Variants in UBE2E3 observed in about 807,000 individuals in gnomAD.
UBE2E3 encodes the protein ubiquitin conjugating enzyme E2 E3.
UBE2E3 carries 5 observed loss-of-function variants against 23.6 expected under a neutral mutation model. The observed-to-expected ratio is 0.21, with a 90% confidence interval of 0.11 to 0.44. UBE2E3 has a LOEUF of 0.44. Among genes scored for constraint, UBE2E3 ranks in the 20% least tolerant of loss-of-function variants. UBE2E3 has a pLI of 0.99. For missense variants in UBE2E3, 81 were observed against 249.8 expected (o/e 0.32, Z 4.55); for synonymous variants, 78 against 87.5 (o/e 0.89, Z 0.60).
chr2:181,003,828 G>A (rs1203863143), intron 3 of UBE2E3, among the ~76,000 whole-genome samples: 1 of 152,146 alleles, frequency 6.6e-6, no homozygotes, highest in East Asian at 1.9e-4. Flanking sequence ...TACTTGTTCA[G>A]TGTGGTAGGT....
chr2:181,051,868 T>C (rs1686852964), intron 3 of UBE2E3, among the ~76,000 whole-genome samples: 1 of 151,924 alleles, frequency 6.6e-6, no homozygotes, highest in Non-Finnish European at 1.5e-5. Context: ...CTCTGTGTTT[T>C]CTAGACTGCT....
chr2:181,008,352 G>A (rs938207605), intron 3 of UBE2E3, among the ~76,000 whole-genome samples: 24 of 152,218 alleles, frequency 1.6e-4, no homozygotes, highest in African/African-American at 5.3e-4. Context: ...CTGAGGTACA[G>A]AGAGAAGTTC....
chr2:181,058,675 T>C (rs1384668507), intron 4 of UBE2E3, among the ~76,000 whole-genome samples: 2 of 151,806 alleles, frequency 1.3e-5, no homozygotes, highest in Non-Finnish European at 2.9e-5. Context: ...CTCTGTACTT[T>C]TAAAAATTTA....
intron 3 of UBE2E3, among the ~76,000 whole-genome samples, chr2:181,049,789 G>A (rs1230001372): frequency 6.6e-6 from 1 of 151,892 alleles, no homozygotes; most frequent in Admixed American, 6.6e-5. Context: ...CAATGAAGAT[G>A]GTTTTGCAGA....
intron 3 of UBE2E3, among the ~76,000 whole-genome samples, chr2:181,015,345 T>C (rs749987650): frequency 3.3e-5 from 5 of 152,198 alleles, no homozygotes; most frequent in Non-Finnish European, 5.9e-5. Context: ...TGAACTAAAT[T>C]GGTGACTTGC....
chr2:181,010,807 TC>T (rs1559120317), intron 3 of UBE2E3, among the ~76,000 whole-genome samples: 57 of 151,410 alleles, frequency 3.8e-4, no homozygotes, highest in African/African-American at 1.2e-3. Context: ...TGTCATATCC[TC>T]CTCTTTTTTT....
intron 2 of UBE2E3, among the ~76,000 whole-genome samples, chr2:180,982,557 G>A (rs1449205419): frequency 3.9e-5 from 6 of 152,030 alleles, no homozygotes; most frequent in African/African-American, 1.5e-4. Flanking sequence ...GGTACTTTGG[G>A]GATGTTCCTT....
intron 3 of UBE2E3, among the ~76,000 whole-genome samples, chr2:181,005,302 G>A (rs1685117083): frequency 6.6e-6 from 1 of 152,202 alleles, no homozygotes; most frequent in Non-Finnish European, 1.5e-5. Context: ...GATGCAGTGT[G>A]AAATAGCGTG....
chr2:180,989,513 T>A (rs1053927478), intron 3 of UBE2E3, among the ~76,000 whole-genome samples: 1 of 152,190 alleles, frequency 6.6e-6, no homozygotes, highest in Non-Finnish European at 1.5e-5. Flanking sequence ...AAAGTTTACC[T>A]AGCTACTGTT....
intron 3 of UBE2E3, among the ~76,000 whole-genome samples, chr2:180,985,986 A>G (rs1036075079): frequency 2.0e-5 from 3 of 152,134 alleles, no homozygotes; most frequent in Non-Finnish European, 4.4e-5. Flanking sequence ...TAGAGGGAGT[A>G]GAATCTTTCA....
In UBE2E3 at chr2:181,011,373, A is replaced by G. The variant is rs1218074033; in HGVS notation, c.245+27280A>G. Among the ~76,000 whole-genome samples, 4 of 151,988 alleles carry G rather than the reference A, an allele frequency of 2.6e-5. No individual in the cohort carries two copies. The East Asian group carries it at 7.7e-4, about 29-fold the overall frequency. ...GGAGAGATAACTGCACACAAGGGCAAAAGGGGGCCAAACTCAGTCTTTTAT... is the reference window on the plus strand; with the variant it reads ...GGAGAGATAACTGCACACAAGGGCAGAAGGGGGCCAAACTCAGTCTTTTAT... On this transcript the variant is annotated intron_variant, in intron 3 of 5. Transcript: ENST00000410062.
chr2:181,039,726 G>A (rs528564073), intron 3 of UBE2E3, among the ~76,000 whole-genome samples: 2 of 152,272 alleles, frequency 1.3e-5, no homozygotes, highest in East Asian at 3.9e-4. Flanking sequence ...TGATGTCTAG[G>A]AGTTAAATAA....
At chr2:180,997,080 G>T (rs367713784) in intron 3 of UBE2E3, among the ~76,000 whole-genome samples, 1 of 150,268 alleles carries the variant, frequency 6.7e-6, no homozygotes. Context: ...TTCTTAAAAG[G>T]ATTTCTGTTA....
intron 1 of UBE2E3, chr2:180,981,512 T>C (rs1684293840): frequency 6.6e-6 from 1 of 152,454 alleles, no homozygotes; most frequent in South Asian, 2.1e-4. Context: ...GTGTTGTGTT[T>C]AAAGGCTTTA....
At chr2:181,000,789 T>C (rs4667007) in intron 3 of UBE2E3, among the ~76,000 whole-genome samples, 35,320 of 152,082 alleles carry the variant, frequency 0.23, 4,471 homozygotes, top group Non-Finnish European at 0.28. Context: ...CTCCTGATCG[T>C]GTGATCCGAC....
chr2:181,040,527 A>G (rs1686455361), intron 3 of UBE2E3, among the ~76,000 whole-genome samples: 1 of 152,216 alleles, frequency 6.6e-6, no homozygotes, highest in Non-Finnish European at 1.5e-5. Flanking sequence ...TTATGTGGAA[A>G]GCATTATACT....
At chr2:180,983,884 G>A in intron 2 of UBE2E3, 159 bp from the exon 3 acceptor site, 3 of 507,322 alleles carry the variant, frequency 5.9e-6, no homozygotes, top group Non-Finnish European at 7.0e-6. Context: ...AGGGATTTGG[G>A]TTATGCCTCT....
chr2:181,002,012 A>T (rs969925426), intron 3 of UBE2E3, among the ~76,000 whole-genome samples: 1 of 152,114 alleles, frequency 6.6e-6, no homozygotes, highest in Non-Finnish European at 1.5e-5. Flanking sequence ...GCATATGGAG[A>T]TTGAAGGGCT....
chr2:181,041,624 G>A (rs958959255), intron 3 of UBE2E3, among the ~76,000 whole-genome samples: 1 of 151,936 alleles, frequency 6.6e-6, no homozygotes, highest in African/African-American at 2.4e-5. Flanking sequence ...TTTTAGTGGA[G>A]ACAGGGTTTC....
Sources: gnomAD v4.1 joint callset for allele counts (sites outside exome capture counted in the v4.1 genomes callset) on GRCh38, gnomAD v4.1.1 for gene constraint, MANE v1.5 for transcripts, NCBI Gene and HGNC (gene_info 2026-07-23, HGNC 2026-07-21) for gene names.